The following ANKRD55 variants were observed in gnomAD, a reference collection of about 807,000 sequenced individuals.
ANKRD55 encodes the protein ankyrin repeat domain 55.
A neutral mutation model predicts 60.6 loss-of-function variants in ANKRD55; 41 were observed. That is an observed-to-expected ratio of 0.68 (90% CI 0.53 to 0.88). ANKRD55 has a LOEUF of 0.88. Among genes scored for constraint, ANKRD55 ranks in the 40% least tolerant of loss-of-function variants. ANKRD55 has a pLI of 0.00. For missense variants in ANKRD55, 732 were observed against 767.6 expected, an observed-to-expected ratio of 0.95 and a Z score of 0.55; for synonymous variants, 264 against 290.3, an observed-to-expected ratio of 0.91 and a Z score of 0.92.
chr5:56,143,710 C>T (rs138619586), intron 7 of ANKRD55, 91 bp downstream of exon 7: 1 of 1,554,992 alleles, frequency 6.4e-7, no homozygotes, highest in East Asian at 2.3e-5. Context: ...GAGCTGAAAC[C>T]TCCATCTTTA....
chr5:56,163,631 A>G (rs1758383379), intron 5 of ANKRD55, among the ~76,000 whole-genome samples: 1 of 152,124 alleles, frequency 6.6e-6, no homozygotes, highest in Admixed American at 6.6e-5. Flanking sequence ...CCACTGTTAG[A>G]ATCCCTGCTC....
rs191736246 is a variant in ANKRD55, at chr5:56,159,156, T to C, written c.483+677A>G. ...CGCCACTACACCCACCTCTCTGCCA[T>C]CTTACACGAGAGAGCATGTCTTAGG... On this transcript the variant is annotated intron_variant, in intron 6 of 11. Transcript: ENST00000341048. Among the ~76,000 whole-genome samples the C allele has an allele frequency of 7.0e-3, 1,069 of 152,306 alleles. 21 individuals carry two copies. The highest frequency in any genetic ancestry group is 0.024 in the African/African-American group (1,015 of 41,572).
intron 8 of ANKRD55, among the ~76,000 whole-genome samples, chr5:56,123,770 T>C (rs1757149713): frequency 6.6e-6 from 1 of 152,106 alleles, no homozygotes; most frequent in Admixed American, 6.5e-5. Flanking sequence ...TTTTGCTGAG[T>C]AACGAGGGGA....
In ANKRD55 at chr5:56,233,270, A is replaced by C; in HGVS notation, c.-63T>G. On this transcript the variant is annotated 5_prime_UTR_variant, in exon 1 of 12. Transcript: ENST00000341048. ...GATCTGGGCTGGAAAAACACAGCAGATCACGGAGCTTCAGCAGCTGGAATG... is the reference window on the plus strand; with the variant it reads ...GATCTGGGCTGGAAAAACACAGCAGCTCACGGAGCTTCAGCAGCTGGAATG... 1 of 253,062 alleles carries C rather than the reference A, an allele frequency of 4.0e-6. No homozygotes were observed. The highest frequency in any genetic ancestry group is 5.2e-5 in the Admixed American group (1 of 19,296). The allele number at this position is 253,062 out of a possible 1,614,324, so 15.7% of individuals were successfully genotyped here.
chr5:56,171,960 A>T (rs994817475), intron 4 of ANKRD55, among the ~76,000 whole-genome samples: 6 of 152,198 alleles, frequency 3.9e-5, no homozygotes, highest in Non-Finnish European at 5.9e-5. Flanking sequence ...TCTACCAAAA[A>T]TACAAAAAAT....
chr5:56,205,889 T>C (rs773333092), intron 2 of ANKRD55, among the ~76,000 whole-genome samples: 23 of 152,156 alleles, frequency 1.5e-4, no homozygotes, highest in Non-Finnish European at 2.8e-4. Flanking sequence ...GGCTGCATTC[T>C]GTCAGCTGGT....
intron 10 of ANKRD55, among the ~76,000 whole-genome samples, chr5:56,103,633 T>C (rs538474354): frequency 3.2e-4 from 49 of 152,298 alleles, no homozygotes; most frequent in Non-Finnish European, 6.6e-4. Context: ...GTGAAAATAA[T>C]TGTATATCTT....
chr5:56,164,915 T>C (rs1209930331), intron 5 of ANKRD55, among the ~76,000 whole-genome samples: 2 of 152,194 alleles, frequency 1.3e-5, no homozygotes, highest in Non-Finnish European at 2.9e-5. Context: ...CCATCCCCAT[T>C]GAGCGGGTGT....
intron 4 of ANKRD55, among the ~76,000 whole-genome samples, chr5:56,175,268 G>A (rs1053490761): frequency 6.6e-6 from 1 of 152,208 alleles, no homozygotes; most frequent in African/African-American, 2.4e-5. Context: ...CACCCTCAAT[G>A]GGGCTGGTCC....
chr5:56,156,595 C>T (rs1475991687), intron 6 of ANKRD55, among the ~76,000 whole-genome samples: 1 of 152,040 alleles, frequency 6.6e-6, no homozygotes, highest in African/African-American at 2.4e-5. Flanking sequence ...CTAAATAAGA[C>T]CTAGTTTAGG....
rs552752218 is a variant in ANKRD55 at position 56,131,621 on chromosome 5, C to A, written c.613-4515G>T. On this transcript the variant is annotated intron_variant, in intron 7 of 11. Transcript: ENST00000341048. ...GACCAGCCTGATCAATATGGAGAAA[C>A]CCCGTCTCTGCTAAAAATACAAAAA... is the stretch of plus-strand genomic sequence containing the variant. 1.5e-4 allele frequency among the ~76,000 whole-genome samples: 23 copies of A among 151,402 alleles called. No homozygotes were observed. In the East Asian group the frequency reaches 4.5e-3, roughly 29 times the overall value.
intron 6 of ANKRD55, among the ~76,000 whole-genome samples, chr5:56,158,108 G>A (rs1475608371): frequency 6.6e-6 from 1 of 152,056 alleles, no homozygotes; most frequent in Non-Finnish European, 1.5e-5. Context: ...TTGAATCTGG[G>A]AGGCGGAGGC....
chr5:56,135,028 A>G (rs1399743899), intron 7 of ANKRD55, among the ~76,000 whole-genome samples: 1 of 152,242 alleles, frequency 6.6e-6, no homozygotes, highest in Non-Finnish European at 1.5e-5. Context: ...ATACAGAAAA[A>G]GTATTTGAGA....
At chr5:56,214,197 A>C (rs571217494) in intron 2 of ANKRD55, among the ~76,000 whole-genome samples, 1 of 152,236 alleles carries the variant, frequency 6.6e-6, no homozygotes, top group African/African-American at 2.4e-5. Context: ...ATTACAATTC[A>C]AAGTGAGATT....
chr5:56,192,923 A>C (rs1759135852), intron 2 of ANKRD55: 1 of 634,698 alleles, frequency 1.6e-6, no homozygotes, highest in Non-Finnish European at 2.7e-6. Context: ...TTCAGAAGAA[A>C]ATAAAGACTT....
chr5:56,111,913 C>T, intron 9 of ANKRD55, 131 bp from the exon 10 acceptor site: 4 of 844,256 alleles, frequency 4.7e-6, no homozygotes, highest in Non-Finnish European at 4.9e-6. Flanking sequence ...ACCTCCAAAG[C>T]CTTCTCAAGT....
chr5:56,224,250 T>A (rs1419328044), intron 2 of ANKRD55, among the ~76,000 whole-genome samples: 1 of 151,276 alleles, frequency 6.6e-6, no homozygotes, highest in South Asian at 2.1e-4. Flanking sequence ...GGGTACATAA[T>A]GAAATGAAGG....
At chr5:56,135,364 TTTCC>T (rs1757564989) in intron 7 of ANKRD55, among the ~76,000 whole-genome samples, 13 of 130,014 alleles carry the variant, frequency 1.0e-4, no homozygotes, top group African/African-American at 3.3e-4. Flanking sequence ...TCTTTCTTTC[TTTCC>T]TTCTTTCTTT....
chr5:56,158,817 C>T (rs538567614), intron 6 of ANKRD55, among the ~76,000 whole-genome samples: 31 of 152,230 alleles, frequency 2.0e-4, no homozygotes, highest in African/African-American at 7.2e-4. Flanking sequence ...CCTCAGCCTC[C>T]AGAGTAGCTG....
Sources: gnomAD v4.1 joint callset for allele counts (sites outside exome capture counted in the v4.1 genomes callset) on GRCh38, gnomAD v4.1.1 for gene constraint, MANE v1.5 for transcripts, NCBI Gene and HGNC (gene_info 2026-07-23, HGNC 2026-07-21) for gene names.